Variants in DGKD observed in about 807,000 individuals in gnomAD.
DGKD encodes DAG kinase delta.
DGKD carries 68 observed loss-of-function variants against 154.4 expected under a neutral mutation model. The ratio of observed to expected loss-of-function variants is 0.44; its 90% CI spans 0.36 to 0.54. The LOEUF is 0.54. Ranked by LOEUF, DGKD falls within the 20% of genes least tolerant of loss-of-function variation. The probability of loss-of-function intolerance (pLI) is 0.00; values close to 1 mark genes in which losing one functional copy is unlikely to be tolerated. For missense variants in DGKD, 1,343 were observed against 1,593.6 expected, an observed-to-expected ratio of 0.84 and a Z score of 2.68; for synonymous variants, 693 against 638.0, an observed-to-expected ratio of 1.09 and a Z score of -1.30.
chr2:233,436,489 A>G, intron 7 of DGKD, 48 bp downstream of exon 7: 11 of 1,588,606 alleles, frequency 6.9e-6, no homozygotes, highest in Non-Finnish European at 9.4e-6. Flanking sequence ...CTTGCTCCCT[A>G]CCGTGCCCAT....
rs1401839442 is a variant in DGKD at position 233,441,803 on chromosome 2, T to A, written c.1086-84T>A. 2.7e-5 allele frequency: 34 copies of A among 1,270,248 alleles called. No homozygotes were observed. Among genetic ancestry groups the A allele is most frequent in the Non-Finnish European group, 3.4e-5 (30 of 889,324 alleles). The allele number at this position is 1,270,248 out of a possible 1,614,324, so 78.7% of individuals were successfully genotyped here. A position where few individuals can be genotyped will look rare whatever the true frequency, so the allele number is the denominator to read the frequency against. ...GCAGGTCAGCCATGAGGAGCACAGG[T>A]GGCCCCTCAGCCCCGTACTGACAAG... On this transcript the variant is annotated intron_variant, in intron 9 of 29. Transcript: ENST00000264057. This position sits in a 1 kb window ranked among gnomAD's most constrained non-coding sequence, Gnocchi z 5.6.
chr2:233,401,144 G>A (rs1424379252), intron 3 of DGKD, among the ~76,000 whole-genome samples: 2 of 152,034 alleles, frequency 1.3e-5, no homozygotes, highest in South Asian at 2.1e-4. Context: ...GACTGGGGGC[G>A]AGTCACAGGA....
intron 18 of DGKD, among the ~76,000 whole-genome samples, chr2:233,453,163 C>A (rs1341772148): frequency 2.6e-5 from 4 of 152,138 alleles, no homozygotes; most frequent in African/African-American, 9.7e-5. Context: ...GCTGGGTGGT[C>A]TCATCTCTTC....
chr2:233,380,037 C>A (rs1702802052), intron 1 of DGKD: 1 of 152,170 alleles, frequency 6.6e-6, no homozygotes, highest in African/African-American at 2.4e-5. Context: ...GAGGCAGAGA[C>A]AAGAGGCAGA....
At chr2:233,392,613 T>C (rs999755699) in intron 3 of DGKD, among the ~76,000 whole-genome samples, 1 of 152,256 alleles carries the variant, frequency 6.6e-6, no homozygotes, top group Admixed American at 6.5e-5. Context: ...TATGAGTTTA[T>C]GTTTTCTGCA....
Position 233,432,234 on chromosome 2 carries a change from A to G in DGKD, c.349-2146A>G, listed in dbSNP as rs1298867532. On this transcript the variant is annotated intron_variant, in intron 3 of 29. Coordinates refer to ENST00000264057, the MANE Select transcript of DGKD (RefSeq NM_152879.3). ...GTGAAACCTCGTCTCTATTAAAAAT[A>G]CAAAAAATTAGCCAGGCGTGGTTGC... 8.0e-5 allele frequency among the ~76,000 whole-genome samples: 8 copies of G among 100,614 alleles called. 1 individual carries two copies. Among genetic ancestry groups the G allele is most frequent in the African/African-American group, 2.5e-4 (7 of 28,022 alleles). 66.0% of individuals were successfully genotyped at this position (100,614 alleles called of 152,430 possible). A position where few individuals can be genotyped will look rare whatever the true frequency, so the allele number is the denominator to read the frequency against.
intron 14 of DGKD, among the ~76,000 whole-genome samples, chr2:233,448,576 A>C (rs1575142935): frequency 6.6e-6 from 1 of 152,246 alleles, no homozygotes; most frequent in Non-Finnish European, 1.5e-5. Context: ...AGTACACTCC[A>C]CACTGTGGGA....
chr2:233,426,291 C>T (rs191366469), intron 3 of DGKD, among the ~76,000 whole-genome samples: 2 of 152,238 alleles, frequency 1.3e-5, no homozygotes, highest in African/African-American at 4.8e-5. Flanking sequence ...CAGCTCTGCA[C>T]ACTTTTCTTT....
chr2:233,385,292 C>T (rs980266872), intron 1 of DGKD, among the ~76,000 whole-genome samples: 1 of 152,154 alleles, frequency 6.6e-6, no homozygotes, highest in African/African-American at 2.4e-5. Context: ...AGTGGGTGGC[C>T]GTGGACCACA....
chr2:233,434,731 G>T, intron 4 of DGKD, 38 bp from the exon 5 acceptor site: 1 of 1,587,814 alleles, frequency 6.3e-7, no homozygotes, highest in Non-Finnish European at 8.6e-7. Flanking sequence ...ATTTAAAAGA[G>T]AAGTCTTATC....
chr2:233,465,930 AAAAT>A (rs2063810031), intron 27 of DGKD, among the ~76,000 whole-genome samples: 1 of 152,190 alleles, frequency 6.6e-6, no homozygotes, highest in African/African-American at 2.4e-5. Flanking sequence ...TAACAATATA[AAAAT>A]AAAATTGCAT....
chr2:233,396,759 C>G (rs537145035), intron 3 of DGKD, among the ~76,000 whole-genome samples: 1 of 152,176 alleles, frequency 6.6e-6, no homozygotes, highest in East Asian at 1.9e-4. Context: ...TTGTGTGTGT[C>G]TGTGTGTTTC....
At chr2:233,465,549 C>T (rs1228476938) in intron 27 of DGKD, among the ~76,000 whole-genome samples, 2 of 152,092 alleles carry the variant, frequency 1.3e-5, no homozygotes, top group Non-Finnish European at 2.9e-5. Flanking sequence ...CCGAGGAGTT[C>T]AAGACCAGGC....
rs564726263 is a variant in DGKD, at chr2:233,384,714, C to A, written c.157-3543C>A. Among the ~76,000 whole-genome samples, 4 of 152,310 alleles carry A rather than the reference C, an allele frequency of 2.6e-5. No homozygotes were observed. The South Asian group carries it at 8.3e-4, about 32-fold the overall frequency. ...CCAGACTCTTGTCATCAGCTCCCCCCTTATGCGAGTTTCTGGAGTGTTCTG... is the reference window on the plus strand; with the variant it reads ...CCAGACTCTTGTCATCAGCTCCCCCATTATGCGAGTTTCTGGAGTGTTCTG... On this transcript the variant is annotated intron_variant, in intron 1 of 29. Coordinates refer to ENST00000264057, the MANE Select transcript of DGKD (RefSeq NM_152879.3).
At chr2:233,422,830 A>G (rs1290663136) in intron 3 of DGKD, among the ~76,000 whole-genome samples, 1 of 152,188 alleles carries the variant, frequency 6.6e-6, no homozygotes, top group Admixed American at 6.5e-5. Flanking sequence ...ACTCCAGTAC[A>G]ATGTCACACC....
rs2305541 is a variant in DGKD, at chr2:233,445,674, C to T, written c.1246C>T (p.Leu416=). 0.076 allele frequency: 122,837 copies of T among 1,613,162 alleles called. 5,253 individuals are homozygous for T. Among genetic ancestry groups the T allele is most frequent in the African/African-American group, 0.16 (11,648 of 74,918 alleles). Residue 416 remains leucine, a synonymous_variant, in exon 11 of 30, where the codon CTG becomes TTG. Coordinates refer to ENST00000264057, the MANE Select transcript of DGKD (RefSeq NM_152879.3). The surrounding 1 kb of genome is among the most constrained non-coding windows in gnomAD (Gnocchi z 5.5). The part of the protein sequence containing the change: ...LGTGNDLARV[L]GWGSACDDDT... ...CACAGGGAACGACTTGGCCCGAGTA[C>T]TGGGCTGGGGCTCAGCCTGCGATGA...
At chr2:233,406,073 C>T (rs2061678700) in intron 3 of DGKD, among the ~76,000 whole-genome samples, 1 of 152,196 alleles carries the variant, frequency 6.6e-6, no homozygotes, top group Non-Finnish European at 1.5e-5. Flanking sequence ...TTGCTTTTCC[C>T]AGCTCCTGGT....
At chr2:233,355,615 A>G (rs1316128246) in intron 1 of DGKD, among the ~76,000 whole-genome samples, 2 of 152,260 alleles carry the variant, frequency 1.3e-5, no homozygotes, top group East Asian at 1.9e-4. Context: ...TCAGCCTTTG[A>G]TACCTGCGAT....
chr2:233,406,596 T>C (rs2061691694), intron 3 of DGKD, among the ~76,000 whole-genome samples: 1 of 152,224 alleles, frequency 6.6e-6, no homozygotes, highest in Admixed American at 6.5e-5. Flanking sequence ...CCAGGATTCA[T>C]GGCCCCCTCA....
Sources: gnomAD v4.1 joint callset for allele counts (sites outside exome capture counted in the v4.1 genomes callset) on GRCh38, gnomAD v4.1.1 for gene constraint, Gnocchi (gnomAD v3.1) non-coding constraint, MANE v1.5 for transcripts, NCBI Gene and HGNC (gene_info 2026-07-23, HGNC 2026-07-21) for gene names.